The following ABI2 variants were observed in gnomAD, a reference collection of about 807,000 sequenced individuals.
ABI2 encodes the protein abelson interactor 2.
ABI2 carries 25 observed loss-of-function variants against 59.2 expected under a neutral mutation model. The observed-to-expected ratio is 0.42, with a 90% CI of 0.31 to 0.59. The LOEUF is 0.59. Among genes scored for constraint, ABI2 ranks in the 20% least tolerant of loss-of-function variants. The pLI, the probability that ABI2 is intolerant of heterozygous loss-of-function variation, is 0.14. For synonymous variants in ABI2, 213 were observed against 235.5 expected, an observed-to-expected ratio of 0.90 and a Z score of 0.87; for missense variants, 545 against 681.8, an observed-to-expected ratio of 0.80 and a Z score of 2.23.
chr2:203,392,550 C>T (rs2153369220), intron 5 of ABI2, among the ~76,000 whole-genome samples: 1 of 152,220 alleles, frequency 6.6e-6, no homozygotes, highest in East Asian at 1.9e-4. Flanking sequence ...GAGAGAAAAT[C>T]TAGTGGATCA....
intron 2 of ABI2, among the ~76,000 whole-genome samples, chr2:203,378,729 T>TG (rs2095886231): frequency 6.6e-6 from 1 of 152,136 alleles, no homozygotes; most frequent in African/African-American, 2.4e-5. Flanking sequence ...GAAGTGGGAC[T>TG]GGGGAGGAGT....
intron 1 of ABI2, chr2:203,328,887 T>C: frequency 3.4e-6 from 1 of 292,684 alleles, no homozygotes; most frequent in Non-Finnish European, 6.3e-6. Context: ...TCCTCGCCGC[T>C]CCCGCCCTCG....
intron 2 of ABI2, among the ~76,000 whole-genome samples, chr2:203,369,179 A>G (rs1425931308): frequency 6.6e-6 from 1 of 151,774 alleles, no homozygotes; most frequent in South Asian, 2.1e-4. Flanking sequence ...CAAATTGCTA[A>G]TGTGATATAG....
intron 9 of ABI2, among the ~76,000 whole-genome samples, chr2:203,405,446 A>G (rs1390080494): frequency 6.6e-6 from 1 of 152,084 alleles, no homozygotes; most frequent in Admixed American, 6.6e-5. Context: ...GCTCCTCAGG[A>G]GGCTGAGGCA....
At position 203,394,709 on chromosome 2, in the gene ABI2, C is replaced by T. The variant is rs2096904446; in HGVS notation, c.588C>T (p.Ser196=). ...MSGKGTLGRH[S]PYRTLEPVRP... ...GCTCTTCTTTTTGTAGGCGGCACTC[C>T]CCCTATCGCACACTGGAGCCAGTGC... is the stretch of plus-strand genomic sequence containing the variant. The change falls in exon 6 of 12, where the codon TCC becomes TCT. Residue 196 remains serine, a synonymous_variant. Coordinates refer to ENST00000261018, the MANE Select transcript of ABI2 (RefSeq NM_001375670.1). 6.2e-7 allele frequency: 1 copy of T among 1,613,600 alleles called. No individual in the cohort carries two copies. The highest frequency in any genetic ancestry group is 1.7e-5 in the Admixed American group (1 of 59,962).
intron 8 of ABI2, among the ~76,000 whole-genome samples, chr2:203,399,257 T>G (rs2097126393): frequency 6.6e-6 from 1 of 152,186 alleles, no homozygotes; most frequent in Admixed American, 6.5e-5. Flanking sequence ...GGTTTCTCAT[T>G]ACATGTGTGG....
chr2:203,352,942 A>C (rs973969300), intron 1 of ABI2, among the ~76,000 whole-genome samples: 1 of 152,218 alleles, frequency 6.6e-6, no homozygotes, highest in Admixed American at 6.5e-5. Context: ...AACTCTCTAT[A>C]GTATTCCATA....
Position 203,396,765 on chromosome 2 carries a change from T to C in ABI2, c.851-20T>C. The C allele has an allele frequency of 6.6e-7, 1 of 1,515,272 alleles. No individual in the cohort carries two copies. The highest frequency in any genetic ancestry group is 8.8e-7 in the Non-Finnish European group (1 of 1,137,898). 93.9% of individuals were successfully genotyped at this position (1,515,272 alleles called of 1,614,324 possible). The stretch of plus-strand genomic sequence containing the variant: ...GTGATTGCCTCATTAATGCTGCCTC[T>C]TACTCCTCTTTCCCCTCAGCCCCTG... On this transcript the variant is annotated intron_variant, in intron 7 of 11. Transcript: ENST00000261018.
intron 1 of ABI2, among the ~76,000 whole-genome samples, chr2:203,345,907 C>A (rs928489257): frequency 1.3e-5 from 2 of 151,518 alleles, no homozygotes; most frequent in Non-Finnish European, 2.9e-5. Context: ...TGGCCGGGCA[C>A]GGTGGCTCAC....
At chr2:203,390,234 A>G (rs894700222) in intron 4 of ABI2, among the ~76,000 whole-genome samples, 2 of 152,216 alleles carry the variant, frequency 1.3e-5, no homozygotes, top group African/African-American at 2.4e-5. Context: ...TTCTGTATAT[A>G]TTACATGATT....
intron 1 of ABI2, among the ~76,000 whole-genome samples, chr2:203,356,516 G>A (rs1470795642): frequency 3.3e-5 from 5 of 152,022 alleles, no homozygotes; most frequent in Admixed American, 6.6e-5. Flanking sequence ...CTACAGGCGC[G>A]TGCTGCCACG....
At chr2:203,388,915 C>G (rs983460710) in intron 4 of ABI2, among the ~76,000 whole-genome samples, 1 of 152,102 alleles carries the variant, frequency 6.6e-6, no homozygotes, top group Non-Finnish European at 1.5e-5. Context: ...AATTCCTGCT[C>G]CTTTTCCTTC....
At chr2:203,352,696 T>C (rs555864520) in intron 1 of ABI2, among the ~76,000 whole-genome samples, 4 of 152,316 alleles carry the variant, frequency 2.6e-5, no homozygotes, top group South Asian at 2.1e-4. Context: ...AATTTATTAT[T>C]GGAGAGAGAA....
chr2:203,352,885 T>A (rs553774075), intron 1 of ABI2, among the ~76,000 whole-genome samples: 2 of 152,366 alleles, frequency 1.3e-5, no homozygotes, highest in African/African-American at 2.4e-5. Flanking sequence ...GTGTTGTTAC[T>A]GTACCTTCTC....
At chr2:203,395,027 G>A in intron 6 of ABI2, 181 bp downstream of exon 6, 1 of 774,656 alleles carries the variant, frequency 1.3e-6, no homozygotes, top group Non-Finnish European at 2.2e-6. Context: ...CAGTCAGGAA[G>A]TTGATAAAGA....
chr2:203,403,646 TATATC>T (rs2097309303), intron 9 of ABI2, among the ~76,000 whole-genome samples: 1 of 12,728 alleles, frequency 7.9e-5, no homozygotes, highest in South Asian at 5.3e-3. Context: ...ATCATTTTCT[TATATC>T]TTATAGGTAA....
At chr2:203,376,968 G>A (rs988678012) in intron 2 of ABI2, among the ~76,000 whole-genome samples, 2 of 152,122 alleles carry the variant, frequency 1.3e-5, no homozygotes, top group Admixed American at 6.6e-5. Flanking sequence ...GTGTGTTAGT[G>A]TAAATAATAA....
intron 1 of ABI2, among the ~76,000 whole-genome samples, chr2:203,349,874 G>A (rs1351834484): frequency 6.6e-6 from 1 of 152,030 alleles, no homozygotes; most frequent in Non-Finnish European, 1.5e-5. Context: ...ACAAGTTTTT[G>A]TGTGGGCATA....
At chr2:203,395,981 G>T (rs1389780945) in intron 7 of ABI2, among the ~76,000 whole-genome samples, 2 of 152,110 alleles carry the variant, frequency 1.3e-5, no homozygotes, top group Non-Finnish European at 1.5e-5. Flanking sequence ...TATGCCTTTG[G>T]TGATGTGGCT....
Sources: allele counts gnomAD v4.1 joint callset (sites outside exome capture counted in the v4.1 genomes callset), GRCh38; gene constraint gnomAD v4.1.1; transcripts MANE v1.5; gene names NCBI Gene and HGNC (gene_info 2026-07-23, HGNC 2026-07-21).